The following SPATA16 variants were observed in gnomAD, a reference collection of about 807,000 sequenced individuals.
The protein encoded by SPATA16 is spermatogenesis associated 16, also known as spermatogenesis-associated protein 16.
SPATA16 carries 36 observed loss-of-function variants against 63.3 expected under a neutral mutation model. The ratio of observed to expected loss-of-function variants is 0.57; its 90% CI spans 0.44 to 0.75. The LOEUF is 0.75. Among genes scored for constraint, SPATA16 ranks in the 30% least tolerant of loss-of-function variants. SPATA16 has a pLI of 0.00. For missense variants in SPATA16, 646 were observed against 679.3 expected (o/e 0.95, Z 0.54); for synonymous variants, 203 against 216.7 (o/e 0.94, Z 0.56).
intron 4 of SPATA16, among the ~76,000 whole-genome samples, chr3:172,995,600 A>G (rs1340298487): frequency 2.0e-5 from 3 of 152,106 alleles, no homozygotes; most frequent in Non-Finnish European, 4.4e-5. Context: ...GCTAGGAGAG[A>G]AAGCTGATAA....
intron 1 of SPATA16, among the ~76,000 whole-genome samples, chr3:173,137,276 C>T (rs1738571689): frequency 6.6e-6 from 1 of 152,156 alleles, no homozygotes; most frequent in African/African-American, 2.4e-5. Flanking sequence ...CATTATATCC[C>T]AACCCCATCC....
chr3:172,906,884 G>A (rs752484180), intron 10 of SPATA16, among the ~76,000 whole-genome samples: 1 of 152,140 alleles, frequency 6.6e-6, no homozygotes, highest in Admixed American at 6.5e-5. Context: ...TGGGACTACA[G>A]GTGCCCGCTA....
chr3:172,961,081 C>A (rs201085418), intron 5 of SPATA16, among the ~76,000 whole-genome samples: 1 of 103,856 alleles, frequency 9.6e-6, no homozygotes, highest in African/African-American at 3.5e-5. Context: ...TTCCTTCCTT[C>A]CTTCCTTCCT....
intron 2 of SPATA16, among the ~76,000 whole-genome samples, chr3:173,093,246 T>C (rs1380861267): frequency 6.6e-6 from 1 of 152,128 alleles, no homozygotes; most frequent in East Asian, 1.9e-4. Context: ...AAAATTGTCT[T>C]TCTTTGCTAA....
At chr3:173,096,018 A>G (rs1349355421) in intron 2 of SPATA16, among the ~76,000 whole-genome samples, 10 of 152,124 alleles carry the variant, frequency 6.6e-5, no homozygotes, top group Non-Finnish European at 1.5e-4. Context: ...TATAGATTTT[A>G]CAATCTCCCT....
At chr3:172,956,591 A>G (rs988348639) in intron 6 of SPATA16, 86 bp downstream of exon 6, 54 of 1,467,726 alleles carry the variant, frequency 3.7e-5, no homozygotes, top group Non-Finnish European at 4.9e-5. Context: ...AAACAGAAAC[A>G]ATAAACTAAT....
chr3:172,911,022 C>A (rs538082168), intron 10 of SPATA16, among the ~76,000 whole-genome samples: 1 of 152,284 alleles, frequency 6.6e-6, no homozygotes, highest in South Asian at 2.1e-4. Flanking sequence ...AATTCCATTT[C>A]TTTTTTGCCA....
At chr3:173,024,627 C>G (rs932251392) in intron 3 of SPATA16, among the ~76,000 whole-genome samples, 2 of 150,336 alleles carry the variant, frequency 1.3e-5, no homozygotes, top group African/African-American at 4.8e-5. Flanking sequence ...GAGAAATGAA[C>G]AAATAAAAAA....
chr3:172,939,110 T>C (rs1733083485), intron 6 of SPATA16, among the ~76,000 whole-genome samples: 1 of 152,086 alleles, frequency 6.6e-6, no homozygotes, highest in South Asian at 2.1e-4. Flanking sequence ...CCAAAACCAA[T>C]GTATACTCTC....
At chr3:173,137,121 C>T (rs1241643047) in intron 1 of SPATA16, among the ~76,000 whole-genome samples, 1 of 152,134 alleles carries the variant, frequency 6.6e-6, no homozygotes, top group Non-Finnish European at 1.5e-5. Context: ...TCTGCCTCTG[C>T]CATCACTGTA....
intron 10 of SPATA16, among the ~76,000 whole-genome samples, chr3:172,906,061 T>G (rs1454610320): frequency 6.6e-6 from 1 of 152,268 alleles, no homozygotes; most frequent in East Asian, 1.9e-4. Flanking sequence ...TAACTTTTTC[T>G]TCTTAGTTGC....
intron 2 of SPATA16, among the ~76,000 whole-genome samples, chr3:173,056,239 G>A (rs891419553): frequency 3.9e-5 from 6 of 152,202 alleles, no homozygotes; most frequent in African/African-American, 1.4e-4. Context: ...GATATTCATA[G>A]AAGGAAATTG....
intron 2 of SPATA16, among the ~76,000 whole-genome samples, chr3:173,051,098 C>T (rs933081619): frequency 6.6e-6 from 1 of 152,172 alleles, no homozygotes; most frequent in African/African-American, 2.4e-5. Context: ...TTTTATATGA[C>T]ATGACTATAA....
chr3:173,005,284 A>G (rs1734915470), intron 4 of SPATA16, among the ~76,000 whole-genome samples: 1 of 149,318 alleles, frequency 6.7e-6, no homozygotes, highest in African/African-American at 2.5e-5. Context: ...AGATTGCGCT[A>G]CTGCACTCCA....
chr3:172,928,410 C>T (rs1165120743), intron 6 of SPATA16, among the ~76,000 whole-genome samples: 1 of 152,156 alleles, frequency 6.6e-6, no homozygotes, highest in African/African-American at 2.4e-5. Flanking sequence ...GAAATATTAG[C>T]AAGGGGAGAG....
chr3:173,028,043 C>T lies in SPATA16; in HGVS notation c.759-8468G>A, dbSNP rs9845539. Among the ~76,000 whole-genome samples the T allele has an allele frequency of 5.6e-3, 634 of 114,214 alleles. 22 individuals carry two copies. The highest frequency in any genetic ancestry group is 0.02 in the African/African-American group (586 of 29,240). The allele number at this position is 114,214 out of a possible 152,430, so 74.9% of individuals were successfully genotyped here. A position where few individuals can be genotyped will look rare whatever the true frequency, so the allele number is the denominator to read the frequency against. ...CCTTCTTTCCTTCCTTCCTTCCTTC[C>T]TTCCTTCCTTCCTTCCTTCCTTCCT... On this transcript the variant is annotated intron_variant, in intron 3 of 10. Coordinates refer to ENST00000351008, the MANE Select transcript of SPATA16 (RefSeq NM_031955.6).
chr3:173,100,332 G>A (rs1737458767), intron 2 of SPATA16, among the ~76,000 whole-genome samples: 1 of 152,024 alleles, frequency 6.6e-6, no homozygotes, highest in South Asian at 2.1e-4. Flanking sequence ...TAGTATTAGG[G>A]CTGAGCTACT....
At chr3:172,959,326 GGCA>G (rs1309467354) in intron 5 of SPATA16, among the ~76,000 whole-genome samples, 6 of 152,276 alleles carry the variant, frequency 3.9e-5, no homozygotes, top group African/African-American at 1.4e-4. Context: ...GTTTTCATGT[GGCA>G]GCTTGATCTG....
intron 10 of SPATA16, among the ~76,000 whole-genome samples, chr3:172,906,414 T>C (rs1034899954): frequency 1.3e-5 from 2 of 152,210 alleles, no homozygotes; most frequent in African/African-American, 4.8e-5. Flanking sequence ...TACAAGTAAG[T>C]TACAGAGGTA....
Sources: allele counts gnomAD v4.1 joint callset (sites outside exome capture counted in the v4.1 genomes callset), GRCh38; gene constraint gnomAD v4.1.1; transcripts MANE v1.5; gene names NCBI Gene and HGNC (gene_info 2026-07-23, HGNC 2026-07-21).